Variants in COL28A1 observed in about 807,000 individuals in gnomAD.
COL28A1 encodes the protein collagen type XXVIII alpha 1 chain, also known as collagen alpha-1(XXVIII) chain.
A neutral mutation model predicts 150.2 loss-of-function variants in COL28A1; 161 were observed. The observed-to-expected ratio is 1.07, with a 90% CI of 0.94 to 1.22. The LOEUF (loss-of-function observed/expected upper bound fraction) is 1.22, where lower values mean the gene tolerates loss of function less well. Among genes scored for constraint, COL28A1 ranks in the 50% most tolerant of loss-of-function variants. The pLI is 0.00. For synonymous variants in COL28A1, 552 were observed against 469.7 expected (o/e 1.18, Z -2.26); for missense variants, 1,617 against 1,388.3 (o/e 1.16, Z -2.62).
At chr7:7,511,726 T>G (rs1238250368) in intron 8 of COL28A1, 1 of 470,672 alleles carries the variant, frequency 2.1e-6, no homozygotes. Flanking sequence ...CGTGAGTTAG[T>G]GGGAACAGGT....
intron 22 of COL28A1, among the ~76,000 whole-genome samples, chr7:7,436,981 T>A (rs1583368171): frequency 6.6e-6 from 1 of 152,108 alleles, no homozygotes; most frequent in African/African-American, 2.4e-5. Flanking sequence ...GAGGTTGCAG[T>A]GAGACAAGAT....
Position 7,436,538 on chromosome 7 carries a change from T to C in COL28A1, c.1792-75A>G, listed in dbSNP as rs573889786. On this transcript the variant is annotated intron_variant, in intron 22 of 34. Transcript: ENST00000399429. ...CAAGCACACATAGCAAAAAAAACCA[T>C]TGGCCACTCTGTAAAGAGCTTAATC... The C allele has an allele frequency of 1.2e-4, 104 of 844,706 alleles. 1 individual carries two copies. The highest frequency in any genetic ancestry group is 6.1e-4 in the Admixed American group (35 of 57,448). The allele number at this position is 844,706 out of a possible 1,614,324, so 52.3% of individuals were successfully genotyped here. A position where few individuals can be genotyped will look rare whatever the true frequency, so the allele number is the denominator to read the frequency against.
intron 34 of COL28A1, 127 bp from the exon 35 acceptor site, chr7:7,358,932 G>T: frequency 1.4e-6 from 1 of 699,480 alleles, no homozygotes; most frequent in Non-Finnish European, 2.2e-6. Context: ...AGAAAATATG[G>T]TTCTAAGTAA....
At chr7:7,402,148 C>A (rs1783242099) in intron 27 of COL28A1, among the ~76,000 whole-genome samples, 1 of 152,226 alleles carries the variant, frequency 6.6e-6, no homozygotes. Context: ...ACCATCAATA[C>A]AGCTGGCTAC....
intron 27 of COL28A1, among the ~76,000 whole-genome samples, chr7:7,382,723 C>A (rs919653925): frequency 1.3e-5 from 2 of 152,170 alleles, no homozygotes; most frequent in African/African-American, 4.8e-5. Context: ...CTATCCTGAT[C>A]ATCCCCACCA....
chr7:7,372,249 A>G (rs539480722), intron 32 of COL28A1, among the ~76,000 whole-genome samples: 26 of 151,438 alleles, frequency 1.7e-4, no homozygotes, highest in Middle Eastern at 3.4e-3. Flanking sequence ...AATACAAAAA[A>G]TTAGCCGGGC....
intron 4 of COL28A1, 132 bp downstream of exon 4, chr7:7,524,097 A>T (rs987525320): frequency 1.5e-6 from 1 of 679,600 alleles, no homozygotes; most frequent in African/African-American, 1.8e-5. Context: ...GCCTCAGAAT[A>T]GAGTGGCTCA....
chr7:7,428,365 G>A (rs754426001), intron 25 of COL28A1, among the ~76,000 whole-genome samples: 5 of 152,116 alleles, frequency 3.3e-5, no homozygotes, highest in Non-Finnish European at 7.3e-5. Flanking sequence ...GCTAAGAGAC[G>A]GGCACGGTAG....
chr7:7,476,837 T>C (rs1788930188), intron 14 of COL28A1, among the ~76,000 whole-genome samples: 1 of 152,252 alleles, frequency 6.6e-6, no homozygotes, highest in African/African-American at 2.4e-5. Context: ...TTTATCACTG[T>C]GGCTTTAAAT....
At chr7:7,409,605 C>G (rs1183119947) in intron 27 of COL28A1, among the ~76,000 whole-genome samples, 1 of 152,112 alleles carries the variant, frequency 6.6e-6, no homozygotes, top group East Asian at 1.9e-4. Flanking sequence ...TTTCAAATCT[C>G]CTTTTTAAAT....
intron 25 of COL28A1, among the ~76,000 whole-genome samples, chr7:7,431,993 A>G (rs1329501980): frequency 6.6e-6 from 1 of 152,246 alleles, no homozygotes; most frequent in Non-Finnish European, 1.5e-5. Context: ...TTATGGGGCA[A>G]AAATCAAGGA....
chr7:7,507,674 G>A (rs1328179981), intron 9 of COL28A1, among the ~76,000 whole-genome samples: 1 of 151,662 alleles, frequency 6.6e-6, no homozygotes, highest in African/African-American at 2.4e-5. Context: ...ATTTTGTGAG[G>A]GAGAACATAG....
chr7:7,516,992 G>C (rs1781450297), intron 7 of COL28A1, among the ~76,000 whole-genome samples: 1 of 152,078 alleles, frequency 6.6e-6, no homozygotes, highest in South Asian at 2.1e-4. Flanking sequence ...TCTCCTATGA[G>C]ATAATAAGCT....
intron 15 of COL28A1, among the ~76,000 whole-genome samples, chr7:7,464,350 C>A (rs562029887): frequency 6.6e-6 from 1 of 152,292 alleles, no homozygotes; most frequent in Non-Finnish European, 1.5e-5. Flanking sequence ...CCAACAACCA[C>A]AAAATATACA....
At chr7:7,438,996 C>T (rs1229870854) in intron 21 of COL28A1, among the ~76,000 whole-genome samples, 1 of 152,166 alleles carries the variant, frequency 6.6e-6, no homozygotes, top group Admixed American at 6.5e-5. Context: ...GGAGATGAGT[C>T]GTGGAGAATG....
chr7:7,526,168 C>G (rs1288673497), intron 3 of COL28A1, among the ~76,000 whole-genome samples: 1 of 152,216 alleles, frequency 6.6e-6, no homozygotes, highest in Non-Finnish European at 1.5e-5. Context: ...CAGGACAATT[C>G]TTGCTTTTGC....
At chr7:7,379,254 T>C (rs116947840) in intron 30 of COL28A1, among the ~76,000 whole-genome samples, 1,964 of 152,268 alleles carry the variant, frequency 0.013, 15 homozygotes, top group Non-Finnish European at 0.02. Flanking sequence ...ACAGAGCCTG[T>C]CACACACTAA....
intron 9 of COL28A1, among the ~76,000 whole-genome samples, chr7:7,509,967 A>C (rs1007845213): frequency 2.0e-5 from 3 of 152,162 alleles, no homozygotes; most frequent in African/African-American, 7.2e-5. Context: ...AAAAGCATTC[A>C]GAAAGTCTCA....
chr7:7,438,564 T>C (rs755107796), intron 21 of COL28A1, among the ~76,000 whole-genome samples: 1 of 152,208 alleles, frequency 6.6e-6, no homozygotes, highest in Admixed American at 6.5e-5. Flanking sequence ...TCCAGAGCAA[T>C]TGTCACCGCA....
Sources: gnomAD v4.1 joint callset for allele counts (sites outside exome capture counted in the v4.1 genomes callset) on GRCh38, gnomAD v4.1.1 for gene constraint, MANE v1.5 for transcripts, NCBI Gene and HGNC (gene_info 2026-07-23, HGNC 2026-07-21) for gene names.